The following USH2A variants were observed in gnomAD, a reference collection of about 807,000 sequenced individuals.
The protein encoded by USH2A is usherin, also known as Usher syndrome 2A (autosomal recessive, mild).
USH2A carries 443 observed loss-of-function variants against 538.9 expected under a neutral mutation model. The ratio of observed to expected loss-of-function variants is 0.82; its 90% CI spans 0.76 to 0.89. The LOEUF (loss-of-function observed/expected upper bound fraction) is 0.89, where lower values mean the gene tolerates loss of function less well. USH2A is among the 40% of genes least tolerant of loss of function. The pLI, the probability that USH2A is intolerant of heterozygous loss-of-function variation, is 0.00. For missense variants in USH2A, 6,633 were observed against 6,324.8 expected, an observed-to-expected ratio of 1.05 and a Z score of -1.65; for synonymous variants, 2,413 against 2,273.5, an observed-to-expected ratio of 1.06 and a Z score of -1.75.
intron 35 of USH2A, among the ~76,000 whole-genome samples, chr1:215,985,048 T>C (rs1667839855): frequency 6.6e-6 from 1 of 152,214 alleles, no homozygotes; most frequent in African/African-American, 2.4e-5. Context: ...AGGTGTTTCA[T>C]AAAAGTTACG....
intron 9 of USH2A, among the ~76,000 whole-genome samples, chr1:216,307,862 C>G (rs2037346627): frequency 6.6e-6 from 1 of 152,160 alleles, no homozygotes. Flanking sequence ...TCAGGTTCCC[C>G]AGGAAGGCTA....
chr1:215,904,127 T>C (rs552304565), intron 38 of USH2A, among the ~76,000 whole-genome samples: 2 of 152,218 alleles, frequency 1.3e-5, no homozygotes, highest in East Asian at 3.9e-4. Flanking sequence ...TTTGATTATT[T>C]TTGTCTAATT....
intron 46 of USH2A, among the ~76,000 whole-genome samples, chr1:215,839,001 G>C (rs529014355): frequency 1.3e-5 from 2 of 152,106 alleles, no homozygotes; most frequent in Non-Finnish European, 2.9e-5. Context: ...TGGTGGTTGA[G>C]GAAAGGCAAA....
Position 216,321,867 on chromosome 1 carries a change from AT to A in USH2A, c.1644+15del, listed in dbSNP as rs1245485091. 4 of 1,609,102 alleles carry A rather than the reference AT, an allele frequency of 2.5e-6. No homozygotes were observed. In the African/African-American group the frequency reaches 5.3e-5, roughly 22 times the overall value. ...CTATTTTTTTTTTAGATTTCCATGC[AT>A]AAAATAGAACTCACATGAAGTCCTT... is the stretch of plus-strand genomic sequence containing the variant. On this transcript the variant is annotated intron_variant, in intron 9 of 71. Transcript: ENST00000307340.
chr1:215,998,115 CA>C (rs1397248699), intron 34 of USH2A, among the ~76,000 whole-genome samples: 2 of 152,000 alleles, frequency 1.3e-5, no homozygotes, highest in Non-Finnish European at 2.9e-5. Context: ...TGGCATTTAT[CA>C]AAGCAAATAT....
At chr1:216,265,486 C>T (rs1025718995) in intron 11 of USH2A, among the ~76,000 whole-genome samples, 16 of 151,986 alleles carry the variant, frequency 1.1e-4, no homozygotes, top group African/African-American at 3.9e-4. Context: ...TCAGCAATCC[C>T]ACTACTGGGT....
At chr1:215,756,778 G>A (rs947605010) in intron 58 of USH2A, among the ~76,000 whole-genome samples, 2 of 151,982 alleles carry the variant, frequency 1.3e-5, no homozygotes, top group Non-Finnish European at 2.9e-5. Context: ...ACAAAAATTA[G>A]CCAGGCATGG....
chr1:215,842,490 T>C (rs1392802483), intron 46 of USH2A, among the ~76,000 whole-genome samples: 1 of 152,196 alleles, frequency 6.6e-6, no homozygotes, highest in Admixed American at 6.5e-5. Context: ...ATCATTCTAT[T>C]ATAAAGATAC....
intron 3 of USH2A, among the ~76,000 whole-genome samples, chr1:216,407,700 T>G (rs917010330): frequency 6.6e-6 from 1 of 152,186 alleles, no homozygotes; most frequent in Non-Finnish European, 1.5e-5. Context: ...GAATTGTTCA[T>G]GTATAACTGA....
At position 215,934,709 on chromosome 1, in the gene USH2A, C is replaced by A; in HGVS notation, c.7207G>T (p.Val2403Phe). ...TGTACAGTATAGTTGGTAAAAGGAACCAGCCCATCGATGAGCACCCAAAGG... is the reference window on the plus strand; with the variant it reads ...TGTACAGTATAGTTGGTAAAAGGAAACAGCCCATCGATGAGCACCCAAAGG... ...TNLWVLIDGL[V>F]PFTNYTVQVN... is the part of the protein sequence containing the mutation. Residue 2403 changes from valine to phenylalanine, a missense_variant, in exon 38 of 72, where the codon GTT (valine) becomes TTT (phenylalanine). Val to Phe is a conservative substitution (Grantham distance 50). Transcript: ENST00000307340. The A allele has an allele frequency of 6.2e-7, 1 of 1,612,834 alleles. No homozygotes were observed. The highest frequency in any genetic ancestry group is 8.5e-7 in the Non-Finnish European group (1 of 1,179,152).
At chr1:215,761,520 T>C (rs545585125) in intron 56 of USH2A, among the ~76,000 whole-genome samples, 1 of 152,340 alleles carries the variant, frequency 6.6e-6, no homozygotes, top group East Asian at 1.9e-4. Flanking sequence ...TTCTCTGTCT[T>C]ATTCGTCAAT....
At chr1:216,160,478 A>G (rs9729724) in intron 21 of USH2A, among the ~76,000 whole-genome samples, 2,475 of 152,220 alleles carry the variant, frequency 0.016, 28 homozygotes, top group South Asian at 0.028. Flanking sequence ...TTGAAATATT[A>G]TGAGATCAAG....
In USH2A at chr1:216,240,790, C is replaced by T. The variant is rs192945404; in HGVS notation, c.2809+5795G>A. ...ACACAAATAAACCAAGAAGAGAGAA[C>T]GTGTAGGATTCAGGAAATGGAGGAT... On this transcript the variant is annotated intron_variant, in intron 13 of 71. Transcript: ENST00000307340. 3.9e-5 allele frequency among the ~76,000 whole-genome samples: 6 copies of T among 152,174 alleles called. No individual in the cohort carries two copies. The East Asian group carries it at 9.7e-4, about 25-fold the overall frequency.
intron 61 of USH2A, among the ~76,000 whole-genome samples, chr1:215,721,167 C>T (rs796644812): frequency 3.9e-5 from 6 of 152,024 alleles, no homozygotes; most frequent in East Asian, 3.9e-4. Context: ...CTCCACCTCC[C>T]GGGTCCAAGA....
At chr1:216,042,262 T>C (rs2030309523) in intron 32 of USH2A, among the ~76,000 whole-genome samples, 1 of 152,166 alleles carries the variant, frequency 6.6e-6, no homozygotes, top group Non-Finnish European at 1.5e-5. Flanking sequence ...AGGAATTCCA[T>C]CAAATATTAT....
chr1:215,926,210 CAAAAAAAAAAA>C (rs56162024), intron 38 of USH2A, among the ~76,000 whole-genome samples: 2 of 111,642 alleles, frequency 1.8e-5, no homozygotes, highest in African/African-American at 3.4e-5. Flanking sequence ...AGAGACCCTG[CAAAAAAAAAAA>C]AAAAAAAAAA....
intron 14 of USH2A, among the ~76,000 whole-genome samples, chr1:216,220,340 G>C (rs1572062621): frequency 6.6e-6 from 1 of 150,618 alleles, no homozygotes; most frequent in Non-Finnish European, 1.5e-5. Context: ...TAAACATCAA[G>C]GATGTAGAGA....
chr1:216,142,454 G>A (rs116743945), intron 21 of USH2A, among the ~76,000 whole-genome samples: 1 of 152,284 alleles, frequency 6.6e-6, no homozygotes, highest in African/African-American at 2.4e-5. Flanking sequence ...TGAAAAGATA[G>A]CAAGGTACCA....
In USH2A at chr1:215,728,332, C is replaced by T. The variant is rs745965437; in HGVS notation, c.11764G>A (p.Ala3922Thr). Residue 3922 changes from alanine to threonine, a missense_variant, in exon 61 of 72, where the codon GCC becomes ACC. By Grantham distance (58) the Ala-to-Thr change is moderately conservative. Transcript: ENST00000307340. ...TCTCCTTCATCCATAAATTCAAGGG[C>T]TCCTTCTGACCAGACAAATAAAACA... ...ESVLFVWSEG[A>T]LEFMDEGDTL... The T allele has an allele frequency of 6.2e-6, 10 of 1,614,212 alleles. No homozygotes were observed. The highest frequency in any genetic ancestry group is 8.5e-6 in the Non-Finnish European group (10 of 1,180,040).
Sources: gnomAD v4.1 joint callset for allele counts (sites outside exome capture counted in the v4.1 genomes callset) on GRCh38, gnomAD v4.1.1 for gene constraint, MANE v1.5 for transcripts, NCBI Gene and HGNC (gene_info 2026-07-23, HGNC 2026-07-21) for gene names.